Variants in GHR observed in about 807,000 individuals in gnomAD.
The protein encoded by GHR is growth hormone receptor, also known as GH receptor.
A neutral mutation model predicts 67.1 loss-of-function variants in GHR; 35 were observed. The observed-to-expected ratio is 0.52, with a 90% CI of 0.40 to 0.69. The LOEUF (loss-of-function observed/expected upper bound fraction) is 0.69. Ranked by LOEUF, GHR falls within the 30% of genes least tolerant of loss-of-function variation. GHR has a pLI of 0.00. For missense variants in GHR, 792 were observed against 764.6 expected, an observed-to-expected ratio of 1.04 and a Z score of -0.42; for synonymous variants, 272 against 269.1, an observed-to-expected ratio of 1.01 and a Z score of -0.10.
rs1759011562 is a variant in GHR, at chr5:42,721,303, ACTT to A, written c.*1882_*1884del. The A allele has an allele frequency of 6.6e-6, 1 of 152,222 alleles. No homozygotes were observed. Among genetic ancestry groups the A allele is most frequent in the African/African-American group, 2.4e-5 (1 of 41,454 alleles). 9.4% of individuals were successfully genotyped at this position (152,222 alleles called of 1,614,324 possible). On this transcript the variant is annotated 3_prime_UTR_variant, in exon 10 of 10. Coordinates refer to ENST00000230882, the MANE Select transcript of GHR (RefSeq NM_000163.5). Reference sequence around the variant, plus strand: ...GAAGAATCTCATCTCAGTGAAGAATACTTCTCATTTTTTAAAAAAGCTTAAAAC... The same window carrying A: ...GAAGAATCTCATCTCAGTGAAGAATACTCATTTTTTAAAAAAGCTTAAAAC...
intron 1 of GHR, among the ~76,000 whole-genome samples, chr5:42,521,100 G>A (rs954590323): frequency 1.3e-5 from 2 of 152,140 alleles, no homozygotes; most frequent in Non-Finnish European, 1.5e-5. Flanking sequence ...GTGTGCAATA[G>A]GCACTCAAAA....
intron 1 of GHR, among the ~76,000 whole-genome samples, chr5:42,546,905 G>A (rs773375805): frequency 2.6e-5 from 4 of 152,094 alleles, no homozygotes; most frequent in Non-Finnish European, 5.9e-5. Context: ...ATGAAACAGG[G>A]GCAGAGGAGG....
At chr5:42,693,936 A>G (rs1438130617) in intron 4 of GHR, among the ~76,000 whole-genome samples, 3 of 152,224 alleles carry the variant, frequency 2.0e-5, no homozygotes, top group African/African-American at 7.2e-5. Context: ...CTAATTTAAG[A>G]AAATTTTCCT....
chr5:42,602,971 A>T (rs1263854531), intron 2 of GHR, among the ~76,000 whole-genome samples: 1 of 151,872 alleles, frequency 6.6e-6, no homozygotes, highest in Non-Finnish European at 1.5e-5. Flanking sequence ...TGTGTTCCCT[A>T]CTCTGCTGCT....
chr5:42,447,224 A>C (rs944548719), intron 1 of GHR, among the ~76,000 whole-genome samples: 1 of 152,108 alleles, frequency 6.6e-6, no homozygotes, highest in Non-Finnish European at 1.5e-5. Flanking sequence ...GGTGATGTCT[A>C]AGATTGTGGT....
chr5:42,679,846 C>T (rs920391592), intron 3 of GHR, among the ~76,000 whole-genome samples: 1 of 152,040 alleles, frequency 6.6e-6, no homozygotes, highest in African/African-American at 2.4e-5. Context: ...CCCAAAGAAG[C>T]CGTAGTTGCT....
At chr5:42,466,818 C>CA in intron 1 of GHR, 1 of 1,124,526 alleles carries the variant, frequency 8.9e-7, no homozygotes. Flanking sequence ...AAGAAAACAG[C>CA]AAAGAGGTGT....
chr5:42,549,753 T>C (rs886332108), intron 1 of GHR: 1 of 690,766 alleles, frequency 1.4e-6, no homozygotes, highest in Non-Finnish European at 1.8e-6. Context: ...CTAAAAGTAC[T>C]GGGGGGTTTG....
chr5:42,643,434 A>C (rs561354818), intron 3 of GHR, among the ~76,000 whole-genome samples: 3 of 152,312 alleles, frequency 2.0e-5, no homozygotes, highest in African/African-American at 7.2e-5. Flanking sequence ...AAAGGAATAC[A>C]TGCTGCTGGT....
intron 2 of GHR, among the ~76,000 whole-genome samples, chr5:42,590,414 T>C (rs959910211): frequency 6.6e-6 from 1 of 152,240 alleles, no homozygotes; most frequent in African/African-American, 2.4e-5. Flanking sequence ...AGCTACTCAA[T>C]GTGATTTCTT....
At chr5:42,647,893 T>C in intron 3 of GHR, 1 of 210,512 alleles carries the variant, frequency 4.8e-6, no homozygotes, top group South Asian at 6.1e-5. Context: ...GATTTTATGC[T>C]CCCATAAATT....
At chr5:42,706,766 C>T (rs1758196238) in intron 6 of GHR, among the ~76,000 whole-genome samples, 1 of 152,046 alleles carries the variant, frequency 6.6e-6, no homozygotes, top group Non-Finnish European at 1.5e-5. Flanking sequence ...TTAACCAGTA[C>T]CATACTGTTT....
chr5:42,546,854 T>C (rs1330288653), intron 1 of GHR, among the ~76,000 whole-genome samples: 1 of 151,980 alleles, frequency 6.6e-6, no homozygotes, highest in Admixed American at 6.6e-5. Context: ...TAAAGGGGGA[T>C]GGAATGGACT....
At chr5:42,655,356 A>G (rs1243819877) in intron 3 of GHR, among the ~76,000 whole-genome samples, 1 of 152,118 alleles carries the variant, frequency 6.6e-6, no homozygotes, top group African/African-American at 2.4e-5. Context: ...TCTGCCTTGG[A>G]TTTGTGTACC....
At chr5:42,707,785 T>TACTCCACAC (rs1176113605) in intron 6 of GHR, among the ~76,000 whole-genome samples, 6 of 152,110 alleles carry the variant, frequency 3.9e-5, no homozygotes, top group African/African-American at 1.4e-4. Flanking sequence ...TTACTCCACA[T>TACTCCACAC]ACTCCACACA....
intron 2 of GHR, among the ~76,000 whole-genome samples, chr5:42,573,922 C>T (rs1239392640): frequency 6.7e-6 from 1 of 149,092 alleles, no homozygotes; most frequent in Non-Finnish European, 1.5e-5. Flanking sequence ...TACTGGATAA[C>T]CATGTGCTAT....
At chr5:42,688,470 T>C (rs1055926255) in intron 3 of GHR, among the ~76,000 whole-genome samples, 2 of 152,286 alleles carry the variant, frequency 1.3e-5, no homozygotes, top group African/African-American at 4.8e-5. Context: ...CTCAGAGGGA[T>C]TGGGCCCCAT....
intron 1 of GHR, among the ~76,000 whole-genome samples, chr5:42,561,132 C>A (rs1046923709): frequency 6.6e-6 from 1 of 152,198 alleles, no homozygotes; most frequent in East Asian, 1.9e-4. Flanking sequence ...TTGCTCTGAG[C>A]TTTTACCATA....
intron 2 of GHR, among the ~76,000 whole-genome samples, chr5:42,626,109 A>G (rs1753688698): frequency 6.6e-6 from 1 of 152,110 alleles, no homozygotes; most frequent in Non-Finnish European, 1.5e-5. Context: ...CTCGGTGGGA[A>G]TCTCTCCCCA....
Sources: gnomAD v4.1 joint callset for allele counts (sites outside exome capture counted in the v4.1 genomes callset) on GRCh38, gnomAD v4.1.1 for gene constraint, MANE v1.5 for transcripts, NCBI Gene and HGNC (gene_info 2026-07-23, HGNC 2026-07-21) for gene names.